MTA3: variants seen among roughly 807,000 people sequenced by gnomAD.
MTA3 encodes metastasis associated 1 family member 3.
Under a neutral mutation model 83.5 loss-of-function variants are expected in MTA3, and 34 were observed. The ratio of observed to expected loss-of-function variants is 0.41; its 90% CI spans 0.31 to 0.54. The LOEUF is 0.54. Among genes scored for constraint, MTA3 ranks in the 20% least tolerant of loss-of-function variants. The pLI is 0.33. For synonymous variants in MTA3, 303 were observed against 252.7 expected (o/e 1.20, Z -1.89); for missense variants, 761 against 726.4 (o/e 1.05, Z -0.55).
chr2:42,737,297 G>A (rs1424934034), intron 16 of MTA3, among the ~76,000 whole-genome samples: 1 of 152,176 alleles, frequency 6.6e-6, no homozygotes, highest in African/African-American at 2.4e-5. Flanking sequence ...CCAGAACTCA[G>A]GTTCCAACTG....
rs969643215 is a variant in MTA3 at position 42,756,573 on chromosome 2, C to T, written c.*3174C>T. ...GGCGAGGGGAGGTGGAGGAGCTGCC[C>T]CGTGGGTGTTTGGAGATTCTGTTTT... On this transcript the variant is annotated 3_prime_UTR_variant, in exon 17 of 17. Coordinates refer to ENST00000405094, the MANE Select transcript of MTA3 (RefSeq NM_001330442.2). 2.0e-6 allele frequency: 2 copies of T among 985,730 alleles called. No individual in the cohort carries two copies. Among genetic ancestry groups the T allele is most frequent in the Non-Finnish European group, 2.4e-6 (2 of 830,168 alleles). The allele number at this position is 985,730 out of a possible 1,614,324, so 61.1% of individuals were successfully genotyped here.
intron 4 of MTA3, among the ~76,000 whole-genome samples, chr2:42,626,694 A>G (rs982846997): frequency 5.9e-5 from 9 of 152,200 alleles, no homozygotes; most frequent in Non-Finnish European, 1.0e-4. Flanking sequence ...CTTCAGGACT[A>G]TCCTGGATAG....
intron 4 of MTA3, among the ~76,000 whole-genome samples, chr2:42,623,697 A>AT (rs35112138): frequency 0.36 from 45,583 of 128,126 alleles, 8,569 homozygotes; most frequent in South Asian, 0.39. Context: ...GGTAGTTCAG[A>AT]TTTTTTTTTT....
intron 3 of MTA3, among the ~76,000 whole-genome samples, chr2:42,599,910 T>C (rs1682341418): frequency 6.6e-6 from 1 of 151,954 alleles, no homozygotes; most frequent in Admixed American, 6.6e-5. Flanking sequence ...AAAAACTTGC[T>C]TATGGGCCAG....
intron 14 of MTA3, among the ~76,000 whole-genome samples, chr2:42,711,775 AGAGAGAGAGT>A (rs1257190210): frequency 7.2e-5 from 10 of 139,410 alleles, no homozygotes; most frequent in Non-Finnish European, 1.5e-4. Flanking sequence ...TGTATAGGAG[AGAGAGAGAGT>A]GTGTGTGTGT....
chr2:42,704,298 G>T lies in MTA3; in HGVS notation c.1130G>T (p.Arg377Ile). 1.9e-6 allele frequency: 3 copies of T among 1,613,906 alleles called. No individual in the cohort carries two copies. The highest frequency in any genetic ancestry group is 2.5e-6 in the Non-Finnish European group (3 of 1,179,826). ...CAGCCTCAGAATCCTCTCTTAGGGA[G>T]AGCCTGTGAGAGCTGCTATGGTAAG... ...TFQPQNPLLG[R>I]ACESCYATQS... Residue 377 changes from arginine to isoleucine, a missense_variant, in exon 12 of 17, where the codon AGA (arginine) becomes ATA (isoleucine). By Grantham distance (97) the Arg-to-Ile change is moderately conservative. Transcript: ENST00000405094.
chr2:42,594,728 A>ATATTTTTTTTTTTTT, intron 3 of MTA3, among the ~76,000 whole-genome samples: 3 of 24,044 alleles, frequency 1.2e-4, no homozygotes, highest in African/African-American at 4.5e-4. Context: ...ATATATATAT[A>ATATTTTTTTTTTTTT]TTTTTTTTTT....
chr2:42,680,651 A>G (rs1247322970), intron 8 of MTA3, among the ~76,000 whole-genome samples: 1 of 152,244 alleles, frequency 6.6e-6, no homozygotes, highest in African/African-American at 2.4e-5. Flanking sequence ...CCTGTTACAC[A>G]TACACATGTA....
chr2:42,566,587 T>C (rs1209548198), upstream of MTA3, among the ~76,000 whole-genome samples: 1 of 152,188 alleles, frequency 6.6e-6, no homozygotes, highest in Non-Finnish European at 1.5e-5. Flanking sequence ...GATGAGGCTG[T>C]TCCTAAGGGG....
upstream of MTA3, chr2:42,568,301 G>A (rs867000623): frequency 6.3e-6 from 1 of 157,908 alleles, no homozygotes; most frequent in African/African-American, 2.4e-5. Flanking sequence ...GCTGGGGAGA[G>A]GCTAAGCCCC....
Position 42,708,055 on chromosome 2 carries a change from G to T in MTA3, c.1302+1G>T. The T allele has an allele frequency of 6.3e-7, 1 of 1,592,630 alleles. No homozygotes were observed. Among genetic ancestry groups the T allele is most frequent in the African/African-American group, 1.4e-5 (1 of 73,610 alleles). ...GTTATCTCCTAGCCCAACTACAGAG[G>T]TACAGTAGTCTTTTTAGTGTTGAAA... On this transcript the variant is annotated splice_donor_variant, in intron 13 of 16. Transcript: ENST00000405094. LOFTEE classifies it high-confidence loss of function.
intron 2 of MTA3, among the ~76,000 whole-genome samples, chr2:42,505,554 C>A (rs940937545): frequency 2.0e-5 from 3 of 151,952 alleles, no homozygotes; most frequent in Non-Finnish European, 2.9e-5. Flanking sequence ...TAAGCACCCC[C>A]CTGGAGGGAG....
chr2:42,718,876 C>A, intron 14 of MTA3, 112 bp from the exon 15 acceptor site: 1 of 711,506 alleles, frequency 1.4e-6, no homozygotes, highest in Admixed American at 2.9e-5. Context: ...ATGCGGGAAT[C>A]TGGTGGCTAT....
chr2:42,725,949 CT>C (rs1464189812), intron 16 of MTA3, among the ~76,000 whole-genome samples: 15 of 152,270 alleles, frequency 9.9e-5, no homozygotes, highest in African/African-American at 3.6e-4. Context: ...ACGAATGGAC[CT>C]TTTCATTGGG....
chr2:42,558,811 T>A (rs1219429636), intron 2 of MTA3, among the ~76,000 whole-genome samples: 1 of 151,496 alleles, frequency 6.6e-6, no homozygotes, highest in Admixed American at 6.6e-5. Flanking sequence ...TGCCTCAGCC[T>A]CCCAAAGTGC....
intron 14 of MTA3, among the ~76,000 whole-genome samples, chr2:42,718,098 T>C (rs2104531129): frequency 6.6e-6 from 1 of 151,502 alleles, no homozygotes; most frequent in East Asian, 1.9e-4. Flanking sequence ...TGGTACCTTT[T>C]TTTTTTTTTT....
At chr2:42,516,714 A>C (rs1254571704) in intron 2 of MTA3, among the ~76,000 whole-genome samples, 1 of 152,240 alleles carries the variant, frequency 6.6e-6, no homozygotes, top group Non-Finnish European at 1.5e-5. Context: ...GAGAAAACAA[A>C]GAAGTCAATG....
intron 11 of MTA3, among the ~76,000 whole-genome samples, chr2:42,702,071 C>T (rs1010131727): frequency 1.3e-5 from 2 of 151,128 alleles, no homozygotes; most frequent in African/African-American, 4.9e-5. Context: ...ATTAGGCAGG[C>T]GTGGTGGCAG....
chr2:42,524,025 C>T (rs1027490345), intron 2 of MTA3, among the ~76,000 whole-genome samples: 22 of 152,096 alleles, frequency 1.4e-4, no homozygotes, highest in African/African-American at 5.1e-4. Flanking sequence ...CTCTCCCCAA[C>T]AACTAATATG....
Sources: gnomAD v4.1 joint callset for allele counts (sites outside exome capture counted in the v4.1 genomes callset) on GRCh38, gnomAD v4.1.1 for gene constraint, MANE v1.5 for transcripts, NCBI Gene and HGNC (gene_info 2026-07-23, HGNC 2026-07-21) for gene names.